The following FGGY variants were observed in gnomAD, a reference collection of about 807,000 sequenced individuals.
FGGY encodes FGGY carbohydrate kinase domain-containing protein.
In FGGY, 72 loss-of-function variants were observed where a neutral mutation model predicts 71.3. The ratio of observed to expected loss-of-function variants is 1.01; its 90% CI spans 0.84 to 1.23. FGGY has a LOEUF of 1.23. Among genes scored for constraint, FGGY ranks in the 50% most tolerant of loss-of-function variants. FGGY has a pLI of 0.00. For synonymous variants in FGGY, 251 were observed against 250.3 expected (o/e 1.00, Z -0.02); for missense variants, 668 against 682.3 (o/e 0.98, Z 0.23).
At chr1:59,297,320 C>A (rs1374066097) in intron 1 of FGGY, among the ~76,000 whole-genome samples, 170 bp downstream of exon 1, 2 of 152,210 alleles carry the variant, frequency 1.3e-5, no homozygotes, top group Non-Finnish European at 2.9e-5. Flanking sequence ...AGGACATTTT[C>A]CTGGCATTTG....
chr1:59,577,382 C>T (rs1039217831), intron 8 of FGGY, among the ~76,000 whole-genome samples: 1 of 152,138 alleles, frequency 6.6e-6, no homozygotes, highest in Admixed American at 6.5e-5. Flanking sequence ...AAGTTGGCCA[C>T]TGTCTTTCAA....
intron 11 of FGGY, among the ~76,000 whole-genome samples, chr1:59,645,500 A>G (rs1244127188): frequency 6.6e-6 from 1 of 152,184 alleles, no homozygotes; most frequent in African/African-American, 2.4e-5. Context: ...AGCAAGTTTC[A>G]TACAGCTCTT....
At chr1:59,313,667 G>C (rs2044809057) in intron 1 of FGGY, among the ~76,000 whole-genome samples, 1 of 152,032 alleles carries the variant, frequency 6.6e-6, no homozygotes, top group South Asian at 2.1e-4. Flanking sequence ...AACCTGGATG[G>C]GACTGGAGAC....
chr1:59,601,880 GA>G (rs1235354255), intron 8 of FGGY, among the ~76,000 whole-genome samples: 8 of 152,322 alleles, frequency 5.3e-5, no homozygotes, highest in African/African-American at 1.9e-4. Flanking sequence ...GAAGTTGACA[GA>G]AAAACCCACA....
chr1:59,469,525 T>G (rs2092828304), intron 6 of FGGY, among the ~76,000 whole-genome samples: 1 of 152,242 alleles, frequency 6.6e-6, no homozygotes, highest in South Asian at 2.1e-4. Flanking sequence ...TCTCACCTTT[T>G]AATACTGTCA....
chr1:59,414,654 C>T (rs2064092834), intron 5 of FGGY, among the ~76,000 whole-genome samples: 1 of 151,722 alleles, frequency 6.6e-6, no homozygotes, highest in Non-Finnish European at 1.5e-5. Context: ...GTGCAAGATG[C>T]TTGGCTATCT....
intron 5 of FGGY, among the ~76,000 whole-genome samples, chr1:59,436,895 C>T (rs1005583476): frequency 3.3e-5 from 5 of 152,202 alleles, no homozygotes; most frequent in Non-Finnish European, 7.3e-5. Context: ...AGGCCACTGT[C>T]CTTGGAGAAA....
intron 2 of FGGY, among the ~76,000 whole-genome samples, chr1:59,329,475 A>G (rs913855240): frequency 1.3e-5 from 2 of 152,272 alleles, no homozygotes; most frequent in Non-Finnish European, 2.9e-5. Flanking sequence ...AATAAAGTGA[A>G]GCACGATAAA....
chr1:59,669,706 C>T (rs982790708), intron 13 of FGGY, among the ~76,000 whole-genome samples: 5 of 152,068 alleles, frequency 3.3e-5, no homozygotes, highest in Non-Finnish European at 7.4e-5. Flanking sequence ...CAATTTCCAG[C>T]CTTCTGATAG....
At chr1:59,761,389 C>T (rs902432576) in intron 15 of FGGY, among the ~76,000 whole-genome samples, 1 of 152,176 alleles carries the variant, frequency 6.6e-6, no homozygotes, top group Non-Finnish European at 1.5e-5. Context: ...TCCAAGGTTA[C>T]TCTTACAACC....
At chr1:59,761,985 T>C (rs1035945728) in intron 15 of FGGY, among the ~76,000 whole-genome samples, 1 of 152,188 alleles carries the variant, frequency 6.6e-6, no homozygotes, top group Non-Finnish European at 1.5e-5. Flanking sequence ...GTAGAAGCTT[T>C]GAAGTCAGAC....
chr1:59,537,353 C>G (rs1391080388), intron 7 of FGGY, among the ~76,000 whole-genome samples: 3 of 152,104 alleles, frequency 2.0e-5, no homozygotes, highest in Non-Finnish European at 4.4e-5. Flanking sequence ...AAAGAGGACA[C>G]AAACAAATGG....
chr1:59,628,285 C>T (rs991868877), intron 10 of FGGY, among the ~76,000 whole-genome samples: 2 of 152,302 alleles, frequency 1.3e-5, no homozygotes, highest in South Asian at 2.1e-4. Flanking sequence ...ATCATTTCTG[C>T]CATGTTCTTG....
At chr1:59,755,308 C>T (rs953149602) in intron 14 of FGGY, 20 of 152,214 alleles carry the variant, frequency 1.3e-4, no homozygotes, top group African/African-American at 4.3e-4. Context: ...CGTAGACATT[C>T]CCTGAGTGCA....
intron 13 of FGGY, among the ~76,000 whole-genome samples, chr1:59,667,685 AC>A (rs1212350586): frequency 6.6e-6 from 1 of 152,090 alleles, no homozygotes; most frequent in Non-Finnish European, 1.5e-5. Context: ...CATTTACACA[AC>A]AGTTTTGAAT....
At chr1:59,613,533 C>G (rs187848617) in intron 9 of FGGY, among the ~76,000 whole-genome samples, 4 of 152,152 alleles carry the variant, frequency 2.6e-5, no homozygotes, top group African/African-American at 9.6e-5. Flanking sequence ...TAAATGCCCA[C>G]AAGAGAAAGC....
At chr1:59,499,927 G>T (rs890610578) in intron 6 of FGGY, among the ~76,000 whole-genome samples, 4 of 152,146 alleles carry the variant, frequency 2.6e-5, no homozygotes, top group African/African-American at 9.7e-5. Flanking sequence ...GTATGTGTGT[G>T]TGTGTAAATA....
intron 4 of FGGY, among the ~76,000 whole-genome samples, chr1:59,377,113 G>A (rs921105677): frequency 4.6e-5 from 7 of 152,016 alleles, no homozygotes; most frequent in African/African-American, 1.7e-4. Context: ...TTTCTGCTTG[G>A]CAGCTGAGGG....
At chr1:59,424,471 C>T (rs752197165) in intron 5 of FGGY, among the ~76,000 whole-genome samples, 13 of 152,166 alleles carry the variant, frequency 8.5e-5, no homozygotes, top group East Asian at 1.9e-4. Flanking sequence ...CGCTTGAACC[C>T]GAGAGGCAGA....
Sources: gnomAD v4.1 joint callset for allele counts (sites outside exome capture counted in the v4.1 genomes callset) on GRCh38, gnomAD v4.1.1 for gene constraint, MANE v1.5 for transcripts, NCBI Gene and HGNC (gene_info 2026-07-23, HGNC 2026-07-21) for gene names.